The following TSHZ2 variants were observed in gnomAD, a reference collection of about 807,000 sequenced individuals.
TSHZ2 encodes teashirt homolog 2.
A neutral mutation model predicts 74.4 loss-of-function variants in TSHZ2; 21 were observed. The observed-to-expected ratio is 0.28, with a 90% CI of 0.20 to 0.41. The LOEUF (loss-of-function observed/expected upper bound fraction) is 0.41, where lower values mean the gene tolerates loss of function less well. Ranked by LOEUF, TSHZ2 falls within the 10% of genes least tolerant of loss-of-function variation. The pLI is 1.00. For synonymous variants in TSHZ2, 540 were observed against 515.3 expected (o/e 1.05, Z -0.65); for missense variants, 1,244 against 1,293.5 (o/e 0.96, Z 0.59).
intron 2 of TSHZ2, among the ~76,000 whole-genome samples, chr20:53,339,780 G>A (rs989396728): frequency 2.6e-5 from 4 of 152,092 alleles, no homozygotes; most frequent in East Asian, 1.9e-4. Context: ...TGGGGGACTC[G>A]CTGCTCTCCT....
At chr20:53,042,504 C>T (rs1984077075) in intron 1 of TSHZ2, among the ~76,000 whole-genome samples, 1 of 151,946 alleles carries the variant, frequency 6.6e-6, no homozygotes, top group Non-Finnish European at 1.5e-5. Flanking sequence ...AGAGGCAGTA[C>T]TATTATTGTT....
intron 2 of TSHZ2, among the ~76,000 whole-genome samples, chr20:53,353,603 A>T (rs751101319): frequency 6.6e-6 from 1 of 152,164 alleles, no homozygotes; most frequent in African/African-American, 2.4e-5. Context: ...GTTGTTTCCA[A>T]CTCTGATTCT....
chr20:53,145,980 C>T (rs1330929982), intron 1 of TSHZ2, among the ~76,000 whole-genome samples: 1 of 152,114 alleles, frequency 6.6e-6, no homozygotes, highest in East Asian at 1.9e-4. Flanking sequence ...GCTCACAATA[C>T]TAAAACGTCT....
chr20:53,368,695 TG>T (rs1186754598), intron 2 of TSHZ2, among the ~76,000 whole-genome samples: 3 of 152,342 alleles, frequency 2.0e-5, no homozygotes, highest in South Asian at 2.1e-4. Flanking sequence ...ACACCTTTCA[TG>T]AGCAAAATGA....
chr20:53,380,579 C>A lies in TSHZ2; in HGVS notation c.*9-106565C>A, dbSNP rs564896292. 3.3e-5 allele frequency among the ~76,000 whole-genome samples: 5 copies of A among 152,226 alleles called. No homozygotes were observed. The South Asian group carries it at 1.0e-3, about 32-fold the overall frequency. Reference sequence around the variant, plus strand: ...CAATGCAAAAAGGAGGAGCTTGCATCCTTCATTTAATAAAATCCAACAAAG... The same window carrying A: ...CAATGCAAAAAGGAGGAGCTTGCATACTTCATTTAATAAAATCCAACAAAG... On this transcript the variant is annotated intron_variant, in intron 2 of 2. Coordinates refer to ENST00000371497, the MANE Select transcript of TSHZ2 (RefSeq NM_173485.6).
intron 2 of TSHZ2, among the ~76,000 whole-genome samples, chr20:53,347,886 T>C (rs1980499428): frequency 6.6e-6 from 1 of 152,224 alleles, no homozygotes; most frequent in African/African-American, 2.4e-5. Context: ...TTTAGTACAT[T>C]GACAATGTGT....
chr20:53,451,892 GAATT>G (rs1385781263), intron 2 of TSHZ2, among the ~76,000 whole-genome samples: 2 of 152,362 alleles, frequency 1.3e-5, no homozygotes, highest in Non-Finnish European at 2.9e-5. Context: ...ATGAATGAAT[GAATT>G]GTTTTGCTAG....
intron 2 of TSHZ2, among the ~76,000 whole-genome samples, chr20:53,334,000 G>A (rs990234156): frequency 6.6e-6 from 1 of 152,188 alleles, no homozygotes; most frequent in African/African-American, 2.4e-5. Flanking sequence ...CAATGTTCTG[G>A]AATTAGTGGC....
intron 2 of TSHZ2, among the ~76,000 whole-genome samples, chr20:53,423,015 A>G (rs1045234017): frequency 1.3e-5 from 2 of 152,156 alleles, no homozygotes; most frequent in Non-Finnish European, 2.9e-5. Context: ...AGAGATCTAC[A>G]AAGTTGCAGT....
At chr20:53,374,858 G>T (rs1981603879) in intron 2 of TSHZ2, among the ~76,000 whole-genome samples, 1 of 146,554 alleles carries the variant, frequency 6.8e-6, no homozygotes, top group Non-Finnish European at 1.5e-5. Flanking sequence ...GCTCACCTTT[G>T]TCAGATGCAT....
chr20:53,461,869 C>A (rs1011133331), intron 2 of TSHZ2, among the ~76,000 whole-genome samples: 5 of 151,978 alleles, frequency 3.3e-5, no homozygotes, highest in Non-Finnish European at 5.9e-5. Context: ...CCAACAAACT[C>A]TTTTTGAAAC....
chr20:53,461,104 G>T (rs1004592814), intron 2 of TSHZ2, among the ~76,000 whole-genome samples: 2 of 151,952 alleles, frequency 1.3e-5, no homozygotes, highest in Non-Finnish European at 2.9e-5. Context: ...GTTTACCTAA[G>T]CAAGCCTGGG....
chr20:53,350,624 C>T (rs1980612077), intron 2 of TSHZ2, among the ~76,000 whole-genome samples: 1 of 152,174 alleles, frequency 6.6e-6, no homozygotes, highest in Admixed American at 6.5e-5. Flanking sequence ...TACATAGCCT[C>T]CATCAGGTCA....
intron 1 of TSHZ2, among the ~76,000 whole-genome samples, chr20:53,216,999 T>C (rs917154972): frequency 6.6e-6 from 1 of 152,132 alleles, no homozygotes; most frequent in Non-Finnish European, 1.5e-5. Flanking sequence ...GTCTTTCTGT[T>C]CCTGAGCGGG....
chr20:53,438,387 C>A (rs1984177125), intron 2 of TSHZ2, among the ~76,000 whole-genome samples: 1 of 152,172 alleles, frequency 6.6e-6, no homozygotes, highest in South Asian at 2.1e-4. Context: ...AGCCACCAAG[C>A]CCAGCCTGCA....
At chr20:53,142,971 G>A (rs904173506) in intron 1 of TSHZ2, among the ~76,000 whole-genome samples, 1 of 152,116 alleles carries the variant, frequency 6.6e-6, no homozygotes, top group Non-Finnish European at 1.5e-5. Context: ...GTGTCAGATC[G>A]CATTGAGTAA....
intron 2 of TSHZ2, among the ~76,000 whole-genome samples, chr20:53,321,670 C>T (rs548398227): frequency 2.1e-4 from 17 of 81,378 alleles, no homozygotes; most frequent in African/African-American, 6.2e-4. Flanking sequence ...GGCAACAGGG[C>T]GAGACTCCAT....
At chr20:53,275,663 C>A (rs748608402) in intron 2 of TSHZ2, among the ~76,000 whole-genome samples, 37 of 152,216 alleles carry the variant, frequency 2.4e-4, no homozygotes, top group Admixed American at 7.2e-4. Flanking sequence ...CACGCTGGCT[C>A]ATGCCTATAA....
At position 53,402,692 on chromosome 20, in the gene TSHZ2, G is replaced by T. The variant is rs138873083; in HGVS notation, c.*9-84452G>T. On this transcript the variant is annotated intron_variant, in intron 2 of 2. Transcript: ENST00000371497. ...GAAAGTGACATTCGATGCCTGACCT[G>T]AATGAGTGGAGGGAGGTGGAGGAAA... 8.7e-3 allele frequency among the ~76,000 whole-genome samples: 1,332 copies of T among 152,288 alleles called. 26 individuals are homozygous for T. Among genetic ancestry groups the T allele is most frequent in the African/African-American group, 0.03 (1,234 of 41,582 alleles).
Sources: allele counts gnomAD v4.1 joint callset (sites outside exome capture counted in the v4.1 genomes callset), GRCh38; gene constraint gnomAD v4.1.1; transcripts MANE v1.5; gene names NCBI Gene and HGNC (gene_info 2026-07-23, HGNC 2026-07-21).